The following TMTC1 variants were observed in gnomAD, a reference collection of about 807,000 sequenced individuals.
The protein encoded by TMTC1 is transmembrane O-mannosyltransferase targeting cadherins 1.
TMTC1 carries 73 observed loss-of-function variants against 104.8 expected under a neutral mutation model. The ratio of observed to expected loss-of-function variants is 0.70; its 90% confidence interval spans 0.58 to 0.85. The LOEUF (loss-of-function observed/expected upper bound fraction) is 0.85, where lower values mean the gene tolerates loss of function less well. TMTC1 is among the 40% of genes least tolerant of loss of function. TMTC1 has a pLI of 0.00. For synonymous variants in TMTC1, 434 were observed against 428.7 expected, an observed-to-expected ratio of 1.01 and a Z score of -0.15; for missense variants, 1,035 against 1,096.1, an observed-to-expected ratio of 0.94 and a Z score of 0.79.
At chr12:29,670,325 C>T (rs900745141) in intron 5 of TMTC1, among the ~76,000 whole-genome samples, 3 of 152,136 alleles carry the variant, frequency 2.0e-5, no homozygotes, top group Non-Finnish European at 4.4e-5. Flanking sequence ...TAATGAATAC[C>T]TACTGTGCCC....
chr12:29,640,304 G>T (rs955790122), intron 5 of TMTC1, among the ~76,000 whole-genome samples: 1 of 151,836 alleles, frequency 6.6e-6, no homozygotes, highest in African/African-American at 2.4e-5. Context: ...GCAGACAGGA[G>T]GCAGGAACAG....
At chr12:29,750,167 C>T (rs1943055536) in intron 5 of TMTC1, among the ~76,000 whole-genome samples, 1 of 152,044 alleles carries the variant, frequency 6.6e-6, no homozygotes, top group Non-Finnish European at 1.5e-5. Context: ...AGCCCTTCAC[C>T]TGTGCCCTGC....
At position 29,661,460 on chromosome 12, in the gene TMTC1, C is replaced by T. The variant is rs537928050; in HGVS notation, c.939-28124G>A. ...TTTTTTGAGACGGAGTTTTGCTCGT[C>T]GCCCAGGCTGGAGTGCAGTGGTGCG... On this transcript the variant is annotated intron_variant, in intron 5 of 17. Transcript: ENST00000539277. The T allele has an allele frequency of 3.7e-3, 1,551 of 421,134 alleles. 5 individuals carry two copies. Among genetic ancestry groups the T allele is most frequent in the East Asian group, 5.6e-3 (32 of 5,722 alleles). The allele number at this position is 421,134 out of a possible 1,614,324, so 26.1% of individuals were successfully genotyped here.
chr12:29,621,401 G>A (rs1383803107), intron 6 of TMTC1, among the ~76,000 whole-genome samples: 1 of 152,216 alleles, frequency 6.6e-6, no homozygotes, highest in Admixed American at 6.5e-5. Flanking sequence ...GTAGTACAAT[G>A]TTGTACCCCA....
intron 5 of TMTC1, among the ~76,000 whole-genome samples, chr12:29,696,806 C>T (rs1941437869): frequency 6.6e-6 from 1 of 152,008 alleles, no homozygotes; most frequent in South Asian, 2.1e-4. Flanking sequence ...ATTAACAGTA[C>T]TTATTCTGAA....
intron 10 of TMTC1, among the ~76,000 whole-genome samples, chr12:29,546,321 G>A (rs931360525): frequency 6.6e-6 from 1 of 152,156 alleles, no homozygotes; most frequent in African/African-American, 2.4e-5. Context: ...AGGGAAGAGA[G>A]CCCTGCTATG....
intron 5 of TMTC1, among the ~76,000 whole-genome samples, chr12:29,688,843 T>G (rs1201564099): frequency 6.6e-6 from 1 of 152,098 alleles, no homozygotes; most frequent in African/African-American, 2.4e-5. Flanking sequence ...TACCTTTTTG[T>G]TGGGAACAAA....
intron 4 of TMTC1, 43 bp downstream of exon 4, chr12:29,755,666 C>T: frequency 1.3e-6 from 2 of 1,573,084 alleles, no homozygotes; most frequent in Non-Finnish European, 1.7e-6. Flanking sequence ...TTTTTCTCTG[C>T]CCATGACATG....
chr12:29,559,380 G>A (rs537287699), intron 9 of TMTC1, among the ~76,000 whole-genome samples: 1 of 152,236 alleles, frequency 6.6e-6, no homozygotes, highest in South Asian at 2.1e-4. Context: ...TGACCCCACT[G>A]CCATGTAAAT....
intron 5 of TMTC1, chr12:29,660,776 GTATATA>G (rs144268878): frequency 3.5e-4 from 243 of 703,646 alleles, no homozygotes; most frequent in East Asian, 6.2e-4. Context: ...TATTTCAAAA[GTATATA>G]TATATATATA....
chr12:29,686,350 G>T (rs930096956), intron 5 of TMTC1, among the ~76,000 whole-genome samples: 1 of 152,076 alleles, frequency 6.6e-6, no homozygotes, highest in Non-Finnish European at 1.5e-5. Flanking sequence ...TCACTTTCAG[G>T]ATTTTAACTG....
chr12:29,695,977 G>C (rs1415942881), intron 5 of TMTC1, among the ~76,000 whole-genome samples: 2 of 151,654 alleles, frequency 1.3e-5, no homozygotes, highest in Non-Finnish European at 2.9e-5. Context: ...CCTATGCTTT[G>C]AGAATTTTCC....
rs1332971339 is a variant in TMTC1, at chr12:29,755,754, C to G, written c.686G>C (p.Cys229Ser). ...KETGITVFGV[C>S]LVYDLFSLSN... ...AAGGGAAAAGAGGTCATAAACCAAG[C>G]ACACTCCAAACACCGTGATGCCTGT... Residue 229 changes from cysteine (C) to serine (S), a missense_variant, in exon 4 of 18, where the codon TGC (cysteine) becomes TCC (serine). Cys to Ser is a moderately radical substitution (Grantham distance 112). Coordinates refer to ENST00000539277, the MANE Select transcript of TMTC1 (RefSeq NM_001193451.2). The G allele has an allele frequency of 6.2e-7, 1 of 1,614,126 alleles. No individual in the cohort carries two copies. Among genetic ancestry groups the G allele is most frequent in the African/African-American group, 1.3e-5 (1 of 75,028 alleles).
At chr12:29,514,366 C>T in intron 16 of TMTC1, 116 bp downstream of exon 16, 1 of 1,129,500 alleles carries the variant, frequency 8.9e-7, no homozygotes, top group Non-Finnish European at 1.2e-6. Context: ...CTCACTCACT[C>T]CATAAACATA....
chr12:29,611,930 T>A (rs973685745), intron 6 of TMTC1, among the ~76,000 whole-genome samples: 20 of 152,250 alleles, frequency 1.3e-4, no homozygotes, highest in African/African-American at 4.8e-4. Flanking sequence ...CACTGAAGCC[T>A]CATGATAATA....
At chr12:29,635,312 A>C (rs10771557) in intron 5 of TMTC1, among the ~76,000 whole-genome samples, 21,638 of 152,184 alleles carry the variant, frequency 0.14, 1,695 homozygotes, top group Middle Eastern at 0.19. Context: ...CAGACCTTTC[A>C]GGCTGATGCC....
intron 5 of TMTC1, among the ~76,000 whole-genome samples, chr12:29,643,651 T>TATTATATAATATATAGATATATGTTAC (rs1488497855): frequency 2.4e-3 from 48 of 19,632 alleles, no homozygotes; most frequent in Admixed American, 4.8e-3. Flanking sequence ...ATATATGTTA[T>TATTATATAATATATAGATATATGTTAC]ATTATATAAT....
intron 5 of TMTC1, among the ~76,000 whole-genome samples, chr12:29,677,118 A>T (rs1005092725): frequency 1.3e-5 from 2 of 152,204 alleles, no homozygotes; most frequent in Non-Finnish European, 2.9e-5. Context: ...CCTTCAAGAA[A>T]ACAGCATAAA....
chr12:29,585,588 T>G (rs1946111411), intron 7 of TMTC1, among the ~76,000 whole-genome samples: 2 of 152,240 alleles, frequency 1.3e-5, no homozygotes, highest in South Asian at 4.1e-4. Flanking sequence ...AACATGTAAG[T>G]CTTTAATCCA....
Sources: gnomAD v4.1 joint callset for allele counts (sites outside exome capture counted in the v4.1 genomes callset) on GRCh38, gnomAD v4.1.1 for gene constraint, MANE v1.5 for transcripts, NCBI Gene and HGNC (gene_info 2026-07-23, HGNC 2026-07-21) for gene names.